The following DNAI3 variants were observed in gnomAD, a reference collection of about 807,000 sequenced individuals.
The protein encoded by DNAI3 is WD repeat domain 63.
DNAI3 carries 83 observed loss-of-function variants against 115.5 expected under a neutral mutation model. The observed-to-expected ratio is 0.72, with a 90% CI of 0.60 to 0.86. The LOEUF (loss-of-function observed/expected upper bound fraction) is 0.86. DNAI3 is among the 40% of genes least tolerant of loss of function. DNAI3 has a pLI of 0.00. For missense variants in DNAI3, 1,004 were observed against 1,075.8 expected, an observed-to-expected ratio of 0.93 and a Z score of 0.93; for synonymous variants, 320 against 347.0, an observed-to-expected ratio of 0.92 and a Z score of 0.86.
chr1:85,083,137 C>CAG lies in DNAI3; in HGVS notation c.390+738_390+739dup. 1.3e-5 allele frequency among the ~76,000 whole-genome samples: 2 copies of CAG among 152,052 alleles called. 1 individual carries two copies. The highest frequency in any genetic ancestry group is 2.9e-5 in the Non-Finnish European group (2 of 68,014). ...GTTTGTTTAAATTGTTTGAGGATGACAGAGAGGTTTGTGTGGCTGTCCAAT... is the reference window on the plus strand; with the variant it reads ...GTTTGTTTAAATTGTTTGAGGATGACAGAGAGAGGTTTGTGTGGCTGTCCAAT... On this transcript the variant is annotated intron_variant, in intron 5 of 22. Transcript: ENST00000294664.
intron 16 of DNAI3, among the ~76,000 whole-genome samples, chr1:85,113,520 A>G (rs1041501654): frequency 3.3e-5 from 5 of 152,244 alleles, no homozygotes; most frequent in African/African-American, 1.2e-4. Flanking sequence ...GTCCATATAT[A>G]TGTGAGTCTA....
intron 15 of DNAI3, among the ~76,000 whole-genome samples, chr1:85,108,587 G>A (rs1006290627): frequency 3.3e-5 from 5 of 152,182 alleles, no homozygotes; most frequent in Non-Finnish European, 7.4e-5. Context: ...AAGTTTCAGA[G>A]TTCCTGGGAG....
intron 16 of DNAI3, among the ~76,000 whole-genome samples, chr1:85,112,587 G>A (rs1471141822): frequency 6.6e-6 from 1 of 152,214 alleles, no homozygotes; most frequent in East Asian, 1.9e-4. Context: ...CCACATCCTT[G>A]CCAACAGTTG....
At chr1:85,098,437 A>C in intron 12 of DNAI3, 93 bp from the exon 13 acceptor site, 1 of 1,465,644 alleles carries the variant, frequency 6.8e-7, no homozygotes, top group Non-Finnish European at 9.2e-7. Context: ...TATATCTCTA[A>C]ATTGTTCATT....
In DNAI3 at chr1:85,130,105, A is replaced by C. The variant is rs763436828; in HGVS notation, c.2525A>C (p.Lys842Thr). 1.2e-6 allele frequency: 2 copies of C among 1,613,270 alleles called. No homozygotes were observed. Among genetic ancestry groups the C allele is most frequent in the Admixed American group, 3.3e-5 (2 of 59,866 alleles). ...KKEMELEMAK[K>T]KVKTYQKSKE... ...GAAATGGAACTAGAAATGGCAAAGAAAAAAGTTGTAAGTTAAATTTCAGAA... is the reference window on the plus strand; with the variant it reads ...GAAATGGAACTAGAAATGGCAAAGACAAAAGTTGTAAGTTAAATTTCAGAA... The change falls in exon 22 of 23, where the codon AAA (lysine) becomes ACA (threonine). Residue 842 changes from lysine to threonine, a missense_variant. Lys to Thr is a moderately conservative substitution (Grantham distance 78, BLOSUM62 -1). Coordinates refer to ENST00000294664, the MANE Select transcript of DNAI3 (RefSeq NM_145172.5).
Position 85,097,594 on chromosome 1 carries a change from A to C in DNAI3, c.1289A>C (p.His430Pro), listed in dbSNP as rs537726025. The C allele has an allele frequency of 3.1e-6, 5 of 1,613,272 alleles. No individual in the cohort carries two copies. Among genetic ancestry groups the C allele is most frequent in the Admixed American group, 3.3e-5 (2 of 59,890 alleles). ...ATTGTCATGTGGGATATCACCGCAC[A>C]TGCAGATCGCATAGAAAACATTAAG... ...GQIVMWDITA[H>P]ADRIENIKAG... The change falls in exon 12 of 23, where the codon CAT becomes CCT. Residue 430 changes from histidine (H) to proline (P), a missense_variant. His to Pro is a moderately conservative substitution (Grantham distance 77). Around this residue, in one of 3 missense-constraint regions of DNAI3, gnomAD observed 550 missense variants for 568.1 expected, o/e 0.97. Transcript: ENST00000294664.
At position 85,132,923 on chromosome 1, in the gene DNAI3, AC is replaced by A; in HGVS notation, c.2602del (p.Leu868TrpfsTer11). On this transcript the variant is annotated frameshift_variant, in exon 23 of 23. Coordinates refer to ENST00000294664, the MANE Select transcript of DNAI3 (RefSeq NM_145172.5). LOFTEE classifies it low-confidence loss of function (END_TRUNC). Reference sequence around the variant, plus strand: ...AAATGGACTATGAGAGTTATCTGGAACTGGAAAAGACTGTTCTTATCAACCT... The same window carrying A: ...AAATGGACTATGAGAGTTATCTGGAATGGAAAAGACTGTTCTTATCAACCT... The part of the protein sequence containing the change: ...LKMDYESYLE[L>X]EKTVLINLGL... 1 of 1,614,004 alleles carries A rather than the reference AC, an allele frequency of 6.2e-7. No homozygotes were observed. The highest frequency in any genetic ancestry group is 1.1e-5 in the South Asian group (1 of 91,078).
At chr1:85,092,798 C>CAA (rs1237090515) in intron 8 of DNAI3, among the ~76,000 whole-genome samples, 2 of 36,964 alleles carry the variant, frequency 5.4e-5, no homozygotes, top group Non-Finnish European at 1.3e-4. Context: ...TAAAACTACA[C>CAA]ACACACACAC....
At position 85,124,136 on chromosome 1, in the gene DNAI3, G is replaced by T. The variant is rs755832945; in HGVS notation, c.1997G>T (p.Ser666Ile). 38 of 1,614,026 alleles carry T rather than the reference G, an allele frequency of 2.4e-5. No individual in the cohort carries two copies. Among genetic ancestry groups the T allele is most frequent in the Non-Finnish European group, 2.7e-5 (32 of 1,180,022 alleles). ...ACTCCAATAGCAAAGAAGCCAGTGA[G>T]CCACCACACCATTCACGACGGAACT... is the stretch of plus-strand genomic sequence containing the variant. ...TGRLMSKKPVSHHTIHDGTVH... is the reference protein window; with the variant it reads ...TGRLMSKKPVIHHTIHDGTVH... The change falls in exon 19 of 23, where the codon AGC becomes ATC. Residue 666 changes from serine (S) to isoleucine (I), a missense_variant. Physicochemically the swap from Ser to Ile is moderately radical, Grantham distance 142 (BLOSUM62 -2). Around this residue, in one of 3 missense-constraint regions of DNAI3, gnomAD observed 429 missense variants for 454.3 expected, o/e 0.94. Transcript: ENST00000294664.
intron 19 of DNAI3, among the ~76,000 whole-genome samples, chr1:85,124,540 T>G (rs1458429383): frequency 6.6e-6 from 1 of 152,100 alleles, no homozygotes; most frequent in African/African-American, 2.4e-5. Context: ...TGGCATTTTT[T>G]GGGGGTGGGG....
At chr1:85,075,812 T>C (rs1039822135) in intron 3 of DNAI3, among the ~76,000 whole-genome samples, 2 of 152,208 alleles carry the variant, frequency 1.3e-5, no homozygotes, top group African/African-American at 4.8e-5. Flanking sequence ...GTAGGCATTA[T>C]CAAGGCCATT....
chr1:85,116,777 T>G (rs79355356), intron 16 of DNAI3, among the ~76,000 whole-genome samples: 16,143 of 152,150 alleles, frequency 0.11, 1,048 homozygotes, highest in African/African-American at 0.17. Flanking sequence ...AAGATCTAGT[T>G]CGATGTTTGG....
chr1:85,117,927 A>C lies in DNAI3; in HGVS notation c.1917+68A>C, dbSNP rs1056779192. 2.5e-5 allele frequency: 38 copies of C among 1,538,054 alleles called. No homozygotes were observed. In the South Asian group the frequency reaches 4.2e-4, roughly 17 times the overall value. On this transcript the variant is annotated intron_variant, in intron 17 of 22. Coordinates refer to ENST00000294664, the MANE Select transcript of DNAI3 (RefSeq NM_145172.5). ...ACTAAAATATGTTATTACAATATCT[A>C]CTGTACATTTTTGCTGTGTAAAGAC...
intron 1 of DNAI3, among the ~76,000 whole-genome samples, chr1:85,069,991 G>A (rs921135870): frequency 2.6e-5 from 4 of 152,114 alleles, no homozygotes; most frequent in African/African-American, 7.2e-5. Context: ...AGCTGGGCGC[G>A]GTGGCTCATG....
chr1:85,115,152 T>C (rs1325333665), intron 16 of DNAI3, among the ~76,000 whole-genome samples: 1 of 152,190 alleles, frequency 6.6e-6, no homozygotes, highest in African/African-American at 2.4e-5. Context: ...TGTACCTTAG[T>C]TGTTTTTTTG....
intron 3 of DNAI3, 30 bp downstream of exon 3, chr1:85,073,122 T>A (rs576496079): frequency 1.7e-5 from 25 of 1,483,274 alleles, no homozygotes; most frequent in South Asian, 2.8e-5. Flanking sequence ...ACAACTTACA[T>A]CCTCAGTTTT....
Position 85,128,672 on chromosome 1 carries a change from C to T in DNAI3, c.2318-36C>T, listed in dbSNP as rs777992964. On this transcript the variant is annotated intron_variant, in intron 20 of 22. Transcript: ENST00000294664. The stretch of plus-strand genomic sequence containing the variant: ...ACTGCTTAAGATGGTTTTCTGTTTG[C>T]TGATTTTTTCCTCCCATTTATTTTA... The T allele has an allele frequency of 9.0e-6, 14 of 1,550,502 alleles. No homozygotes were observed. In the South Asian group the frequency reaches 1.6e-4, roughly 18 times the overall value.
chr1:85,062,657 G>T (rs761199523), intron 1 of DNAI3, among the ~76,000 whole-genome samples, 171 bp downstream of exon 1: 2 of 152,164 alleles, frequency 1.3e-5, no homozygotes, highest in Non-Finnish European at 2.9e-5. Context: ...CCTCGTGAGG[G>T]AAACAAAAAT....
chr1:85,111,003 G>A (rs78847206), intron 16 of DNAI3, among the ~76,000 whole-genome samples: 536 of 152,262 alleles, frequency 3.5e-3, no homozygotes, highest in Middle Eastern at 6.8e-3. Context: ...TAAGATAAAG[G>A]TATGCATGAA....
Sources: gnomAD v4.1 joint callset for allele counts (sites outside exome capture counted in the v4.1 genomes callset) on GRCh38, gnomAD v4.1.1 for gene constraint, gnomAD v4.1.1 regional missense constraint, MANE v1.5 for transcripts, NCBI Gene and HGNC (gene_info 2026-07-23, HGNC 2026-07-21) for gene names.